SBNO2: variants seen among roughly 807,000 people sequenced by gnomAD.
SBNO2 encodes the protein protein strawberry notch homolog 2.
In SBNO2, 89 loss-of-function variants were observed where a neutral mutation model predicts 146.3. The observed-to-expected ratio is 0.61, with a 90% CI of 0.51 to 0.73. The LOEUF (loss-of-function observed/expected upper bound fraction) is 0.73, where lower values mean the gene tolerates loss of function less well. Among genes scored for constraint, SBNO2 ranks in the 30% least tolerant of loss-of-function variants. SBNO2 has a pLI of 0.00. For synonymous variants in SBNO2, 1,147 were observed against 892.6 expected (o/e 1.29, Z -5.08); for missense variants, 2,092 against 2,003.7 (o/e 1.04, Z -0.84).
At chr19:1,131,556 C>T (rs529593657) in intron 4 of SBNO2, among the ~76,000 whole-genome samples, 1 of 152,326 alleles carries the variant, frequency 6.6e-6, no homozygotes, top group Admixed American at 6.5e-5. Flanking sequence ...CTGCCCTGTG[C>T]TCCAGGACCC....
In SBNO2 at chr19:1,123,670, T is replaced by G. The variant is rs1311380276; in HGVS notation, c.523-31A>C. On this transcript the variant is annotated intron_variant, in intron 6 of 31. Coordinates refer to ENST00000361757, the MANE Select transcript of SBNO2 (RefSeq NM_014963.3). ...TGCGTGGCGGGAGCTCAGCGGAGAC[T>G]GCAGGCCTGAGCGGCCGCGGGCACT... 2.5e-6 allele frequency: 4 copies of G among 1,588,088 alleles called. No homozygotes were observed. In the African/African-American group the frequency reaches 4.0e-5, roughly 16 times the overall value.
At chr19:1,116,615 A>G (rs954561103) in intron 16 of SBNO2, among the ~76,000 whole-genome samples, 1 of 152,060 alleles carries the variant, frequency 6.6e-6, no homozygotes, top group African/African-American at 2.4e-5. Context: ...CAAACCTTCC[A>G]GGCCCACCAT....
At chr19:1,141,066 C>T (rs755439991) in intron 4 of SBNO2, among the ~76,000 whole-genome samples, 8 of 151,820 alleles carry the variant, frequency 5.3e-5, no homozygotes, top group Non-Finnish European at 8.8e-5. Context: ...GGAGAAGAGG[C>T]GCCCCGGAGA....
rs913665750 is a variant in SBNO2 at position 1,150,379 on chromosome 19, C to T, written c.94-937G>A. The stretch of plus-strand genomic sequence containing the variant: ...CGTGCCCTGCAGAATGGGCACCCCT[C>T]AGCAGGGCCCCCACCTGCACAGGGC... On this transcript the variant is annotated intron_variant, in intron 2 of 31. Transcript: ENST00000361757. The surrounding 1 kb of genome is among the most constrained non-coding windows in gnomAD (Gnocchi z 6.2). Among the ~76,000 whole-genome samples, 2 of 152,092 alleles carry T rather than the reference C, an allele frequency of 1.3e-5. No individual in the cohort carries two copies. Among genetic ancestry groups the T allele is most frequent in the African/African-American group, 4.8e-5 (2 of 41,418 alleles).
intron 11 of SBNO2, among the ~76,000 whole-genome samples, chr19:1,121,447 C>T (rs889786757): frequency 6.6e-6 from 1 of 152,202 alleles, no homozygotes; most frequent in East Asian, 1.9e-4. Context: ...AACAGCAAAG[C>T]CATGGCCATG....
At position 1,127,614 on chromosome 19, in the gene SBNO2, G is replaced by A. The variant is rs2079980598; in HGVS notation, c.431C>T (p.Thr144Ile). The change falls in exon 5 of 32, where the codon ACC becomes ATC. Residue 144 changes from threonine to isoleucine, a missense_variant. By Grantham distance (89) the Thr-to-Ile change is moderately conservative. Transcript: ENST00000361757. ...TIWDDNPAPS[T>I]HDKLFQLSRP... ...ACCGGGCGCACTGACCTTATCGTGG[G>A]TGGAGGGGGCAGGGTTATCGTCCCA... 1 of 1,612,766 alleles carries A rather than the reference G, an allele frequency of 6.2e-7. No homozygotes were observed. The highest frequency in any genetic ancestry group is 8.5e-7 in the Non-Finnish European group (1 of 1,179,810).
intron 17 of SBNO2, 80 bp downstream of exon 17, chr19:1,115,941 A>G (rs1464307198): frequency 1.9e-6 from 2 of 1,049,598 alleles, no homozygotes; most frequent in African/African-American, 1.8e-5. Context: ...GAGTGGGGGA[A>G]GCAGGGAGCG....
At chr19:1,138,454 G>A (rs1245698137) in intron 4 of SBNO2, among the ~76,000 whole-genome samples, 6 of 151,930 alleles carry the variant, frequency 3.9e-5, no homozygotes, top group African/African-American at 1.5e-4. Context: ...CACAGACATG[G>A]ACCTGCATAT....
chr19:1,139,333 G>A (rs113447269), intron 4 of SBNO2, among the ~76,000 whole-genome samples: 1,796 of 152,318 alleles, frequency 0.012, 14 homozygotes, highest in Middle Eastern at 0.034. Flanking sequence ...GCCGGGGCAG[G>A]GGAGGGATGG....
Position 1,112,011 on chromosome 19 carries a change from G to A in SBNO2, c.2685C>T (p.Tyr895=), listed in dbSNP as rs1407696005. The change falls in exon 23 of 32, where the codon TAC becomes TAT. Residue 895 remains tyrosine (Y), a synonymous_variant. Coordinates refer to ENST00000361757, the MANE Select transcript of SBNO2 (RefSeq NM_014963.3). This position sits in a 1 kb window ranked among gnomAD's most constrained non-coding sequence, Gnocchi z 5.9. ...CCTGCAGTACCTTGTTCTCAAAGTT[G>A]TACTTGCTGAGGTCACGGGACTCCG... ...RATESRDLSK[Y]NFENKYGTRA... The A allele has an allele frequency of 6.2e-7, 1 of 1,607,124 alleles. No homozygotes were observed. Among genetic ancestry groups the A allele is most frequent in the Non-Finnish European group, 8.5e-7 (1 of 1,176,766 alleles).
intron 1 of SBNO2, among the ~76,000 whole-genome samples, chr19:1,170,289 C>T (rs1436866181): frequency 3.3e-5 from 5 of 152,196 alleles, no homozygotes; most frequent in African/African-American, 9.7e-5. Flanking sequence ...GGCCCTGTGA[C>T]GGGTGACCAC....
chr19:1,108,441 G>A lies in SBNO2; in HGVS notation c.3880C>T (p.Pro1294Ser), dbSNP rs923006148. 14 of 1,248,334 alleles carry A rather than the reference G, an allele frequency of 1.1e-5. No individual in the cohort carries two copies. In the African/African-American group the frequency reaches 1.8e-4, roughly 16 times the overall value. The allele number at this position is 1,248,334 out of a possible 1,614,324, so 77.3% of individuals were successfully genotyped here. A position where few individuals can be genotyped will look rare whatever the true frequency, so the allele number is the denominator to read the frequency against. The change falls in exon 32 of 32, where the codon CCC becomes TCC. Residue 1294 changes from proline (P) to serine (S), a missense_variant. Coordinates refer to ENST00000361757, the MANE Select transcript of SBNO2 (RefSeq NM_014963.3). ...GCCGCAGGGTCGGCCTGGGCGTCGG[G>A]GGTGCCCAGCGGCACGACGCCGGGG... ...AGPGVVPLGT[P>S]DAQADPAALA...
chr19:1,122,505 A>G lies in SBNO2; in HGVS notation c.968T>C (p.Ile323Thr), dbSNP rs759099695. The change falls in exon 10 of 32, where the codon ATC (isoleucine) becomes ACC (threonine). Residue 323 changes from isoleucine (I) to threonine (T), a missense_variant. Coordinates refer to ENST00000361757, the MANE Select transcript of SBNO2 (RefSeq NM_014963.3). ...GTGCACCGCGATGCCCGTGGCTTCG[A>G]TGTCCCGCAGGTCGCGCTCCGCATC... ...KYDAERDLRD[I>T]EATGIAVHAL... 6.4e-7 allele frequency: 1 copy of G among 1,571,600 alleles called. No individual in the cohort carries two copies. The highest frequency in any genetic ancestry group is 1.2e-5 in the South Asian group (1 of 86,112).
At chr19:1,135,470 G>A (rs769948255) in intron 4 of SBNO2, among the ~76,000 whole-genome samples, 1 of 152,228 alleles carries the variant, frequency 6.6e-6, no homozygotes, top group African/African-American at 2.4e-5. Context: ...TGCTCCCCAG[G>A]CCCCAATGTG....
At chr19:1,125,111 G>C (rs1481281130) in intron 5 of SBNO2, among the ~76,000 whole-genome samples, 1 of 151,880 alleles carries the variant, frequency 6.6e-6, no homozygotes, top group Non-Finnish European at 1.5e-5. Context: ...CCAGCACTTT[G>C]GGAGGCCAAG....
Position 1,122,189 on chromosome 19 carries a change from T to C in SBNO2, c.1099A>G (p.Thr367Ala). The C allele has an allele frequency of 1.9e-6, 3 of 1,545,172 alleles. No individual in the cohort carries two copies. The highest frequency in any genetic ancestry group is 2.6e-6 in the Non-Finnish European group (3 of 1,144,790). The stretch of plus-strand genomic sequence containing the variant: ...CAGTCCAGGATCTGCCGGAGGCGAG[T>C]GCGGTGCTGGCCGCCGGCCTGGCTC... The part of the protein sequence containing the change: ...GESQAGGQHR[T>A]RLRQILDWCG... The change falls in exon 11 of 32, where the codon ACT becomes GCT. Residue 367 changes from threonine (T) to alanine (A), a missense_variant. Thr to Ala is a moderately conservative substitution (Grantham distance 58). Transcript: ENST00000361757.
rs751795306 is a variant in SBNO2, at chr19:1,111,968, C to T, written c.2700+28G>A. On this transcript the variant is annotated intron_variant, in intron 23 of 31. Transcript: ENST00000361757. ...TCCCTAGACCCCTGCCCCTGCCCCG[C>T]CCCCCAACCCTGCCTTCCCTGCAGT... 5 of 1,599,566 alleles carry T rather than the reference C, an allele frequency of 3.1e-6. No individual in the cohort carries two copies. The Admixed American group carries it at 5.0e-5, about 16-fold the overall frequency.
intron 2 of SBNO2, 138 bp downstream of exon 2, chr19:1,154,046 T>C (rs1042098753): frequency 4.1e-5 from 17 of 413,968 alleles, no homozygotes; most frequent in Non-Finnish European, 6.6e-5. Flanking sequence ...GGAGCCGGGC[T>C]CCGGGCCAGG....
chr19:1,155,833 C>G (rs1198011285), intron 1 of SBNO2, among the ~76,000 whole-genome samples: 1 of 152,192 alleles, frequency 6.6e-6, no homozygotes, highest in Non-Finnish European at 1.5e-5. Flanking sequence ...AGGGGGTGGC[C>G]CACCCCCTGC....
Sources: gnomAD v4.1 joint callset for allele counts (sites outside exome capture counted in the v4.1 genomes callset) on GRCh38, gnomAD v4.1.1 for gene constraint, Gnocchi (gnomAD v3.1) non-coding constraint, MANE v1.5 for transcripts, NCBI Gene and HGNC (gene_info 2026-07-23, HGNC 2026-07-21) for gene names.